WDPCP: variants seen among roughly 807,000 people sequenced by gnomAD.
WDPCP encodes WD repeat-containing and planar cell polarity effector protein fritz homolog.
Under a neutral mutation model 93.1 loss-of-function variants are expected in WDPCP, and 71 were observed. That is an observed-to-expected ratio of 0.76 (90% CI 0.63 to 0.93). The LOEUF is 0.93. Among genes scored for constraint, WDPCP ranks in the 40% least tolerant of loss-of-function variants. WDPCP has a pLI of 0.00. For synonymous variants in WDPCP, 315 were observed against 315.0 expected, an observed-to-expected ratio of 1.00 and a Z score of 0.00; for missense variants, 844 against 887.4, an observed-to-expected ratio of 0.95 and a Z score of 0.62.
chr2:63,548,343 T>C (rs1705312248), intron 1 of WDPCP, among the ~76,000 whole-genome samples: 1 of 152,084 alleles, frequency 6.6e-6, no homozygotes, highest in Non-Finnish European at 1.5e-5. Context: ...TGACAGAGGT[T>C]CAACTCACCA....
chr2:63,824,581 G>A (rs1171918618), intron 1 of WDPCP, among the ~76,000 whole-genome samples: 1 of 142,600 alleles, frequency 7.0e-6, no homozygotes, highest in Non-Finnish European at 1.5e-5. Context: ...AGGAAGGGTT[G>A]TTCAATAAAA....
chr2:63,556,604 T>A (rs2106386226), intron 1 of WDPCP, among the ~76,000 whole-genome samples: 1 of 152,352 alleles, frequency 6.6e-6, no homozygotes, highest in South Asian at 2.1e-4. Context: ...TCTGTGCCCT[T>A]GCTGAAGAGG....
intron 1 of WDPCP, among the ~76,000 whole-genome samples, chr2:63,575,518 A>ATACAGTGTATGCACT (rs1427622731): frequency 1.3e-5 from 1 of 74,312 alleles, no homozygotes; most frequent in African/African-American, 5.9e-5. Context: ...CTGTATATAT[A>ATACAGTGTATGCACT]GTATATACAG....
chr2:63,622,390 G>T (rs1473672360), intron 3 of WDPCP: 1 of 1,612,892 alleles, frequency 6.2e-7, no homozygotes, highest in Non-Finnish European at 8.5e-7. Flanking sequence ...AACTGGGCAA[G>T]ACCAAATTCC....
chr2:63,637,610 C>A (rs1400216510), intron 3 of WDPCP, among the ~76,000 whole-genome samples: 2 of 151,910 alleles, frequency 1.3e-5, no homozygotes, highest in Non-Finnish European at 2.9e-5. Context: ...AATCTGGTTT[C>A]AAAATGGGCA....
intron 2 of WDPCP, among the ~76,000 whole-genome samples, chr2:63,722,697 C>G (rs1484645348): frequency 1.6e-5 from 2 of 127,888 alleles, no homozygotes; most frequent in Non-Finnish European, 3.4e-5. Context: ...CCGCCCCGTC[C>G]GGGAGGTGAG....
chr2:63,140,929 G>A (rs938014280), intron 17 of WDPCP, among the ~76,000 whole-genome samples: 6 of 152,156 alleles, frequency 3.9e-5, no homozygotes, highest in Admixed American at 6.5e-5. Flanking sequence ...TCCCCATTCA[G>A]TATCACGTTT....
intron 2 of WDPCP, among the ~76,000 whole-genome samples, chr2:63,755,419 A>G (rs1466027085): frequency 6.6e-6 from 1 of 152,236 alleles, no homozygotes; most frequent in Non-Finnish European, 1.5e-5. Context: ...TTGGTTAGCC[A>G]TGTGCCTTTT....
At chr2:63,295,269 C>T (rs957595121) in intron 13 of WDPCP, among the ~76,000 whole-genome samples, 1 of 151,892 alleles carries the variant, frequency 6.6e-6, no homozygotes, top group East Asian at 1.9e-4. Flanking sequence ...GTATAAAAAA[C>T]GACTGGCAAA....
intron 1 of WDPCP, among the ~76,000 whole-genome samples, chr2:63,579,720 T>C (rs1383408758): frequency 6.6e-6 from 1 of 151,970 alleles, no homozygotes; most frequent in African/African-American, 2.4e-5. Context: ...TGAATCCAAA[T>C]GGAGTAGATA....
chr2:63,364,785 T>G (rs985442352), intron 12 of WDPCP, among the ~76,000 whole-genome samples: 4 of 152,242 alleles, frequency 2.6e-5, no homozygotes, highest in African/African-American at 9.6e-5. Context: ...GAACTCTTCT[T>G]ACATCTTCCT....
At chr2:63,399,854 T>C (rs1694010416) in intron 10 of WDPCP, among the ~76,000 whole-genome samples, 1 of 152,312 alleles carries the variant, frequency 6.6e-6, no homozygotes, top group East Asian at 1.9e-4. Flanking sequence ...TGCATTTTTA[T>C]TATGTGAAAA....
chr2:63,826,444 G>A (rs922510698), intron 1 of WDPCP, among the ~76,000 whole-genome samples: 2 of 151,920 alleles, frequency 1.3e-5, no homozygotes, highest in Non-Finnish European at 2.9e-5. Context: ...CCTATTATAG[G>A]TATTTTAAGC....
intron 9 of WDPCP, among the ~76,000 whole-genome samples, chr2:63,405,591 G>A (rs1192583329): frequency 4.7e-5 from 7 of 149,046 alleles, no homozygotes; most frequent in East Asian, 3.9e-4. Context: ...GTGTGTTGGC[G>A]GGGGTGGTCC....
At chr2:63,784,616 T>C (rs1376375327) in intron 2 of WDPCP, among the ~76,000 whole-genome samples, 7 of 151,652 alleles carry the variant, frequency 4.6e-5, no homozygotes, top group Admixed American at 3.3e-4. Flanking sequence ...ATGAAACTTC[T>C]AGAGGGAAAT....
rs531001609 is a variant in WDPCP at position 63,425,664 on chromosome 2, GACAA to G, written c.825+8077_825+8080del. On this transcript the variant is annotated intron_variant, in intron 9 of 17. Transcript: ENST00000272321. ...AGACCAGTTCAAATCAACTCAGTAAGACAAACAATTTTTAAAAGAATTTTTAAAA... is the reference window on the plus strand; with the variant it reads ...AGACCAGTTCAAATCAACTCAGTAAGACAATTTTTAAAAGAATTTTTAAAA... 6.7e-3 allele frequency among the ~76,000 whole-genome samples: 1,021 copies of G among 152,204 alleles called. 5 individuals are homozygous for G. Among genetic ancestry groups the G allele is most frequent in the Non-Finnish European group, 9.0e-3 (611 of 68,002 alleles).
chr2:63,249,628 G>A (rs1404278676), intron 14 of WDPCP, among the ~76,000 whole-genome samples: 1 of 152,124 alleles, frequency 6.6e-6, no homozygotes, highest in Non-Finnish European at 1.5e-5. Flanking sequence ...TATGTTAACT[G>A]TGGGGTAACA....
At chr2:63,330,567 C>A (rs909181467) in intron 12 of WDPCP, among the ~76,000 whole-genome samples, 18 of 151,868 alleles carry the variant, frequency 1.2e-4, no homozygotes, top group African/African-American at 4.1e-4. Flanking sequence ...CTTTGCAGTA[C>A]AGAAACTTTT....
chr2:63,627,491 C>G (rs1709822154), intron 3 of WDPCP, among the ~76,000 whole-genome samples: 1 of 152,222 alleles, frequency 6.6e-6, no homozygotes, highest in Non-Finnish European at 1.5e-5. Context: ...AACATGCATT[C>G]CCGTTTTACC....
Sources: gnomAD v4.1 joint callset for allele counts (sites outside exome capture counted in the v4.1 genomes callset) on GRCh38, gnomAD v4.1.1 for gene constraint, MANE v1.5 for transcripts, NCBI Gene and HGNC (gene_info 2026-07-23, HGNC 2026-07-21) for gene names.